Variants in EME2 observed in about 807,000 individuals in gnomAD.
EME2 encodes structure-specific endonuclease subunit EME2.
In EME2, 58 loss-of-function variants were observed where a neutral mutation model predicts 41.9. The observed-to-expected ratio is 1.38, with a 90% confidence interval of 1.12 to 1.72. The LOEUF (loss-of-function observed/expected upper bound fraction) is 1.72. Among genes scored for constraint, EME2 ranks in the 40% most tolerant of loss-of-function variants. EME2 has a pLI of 0.00. For synonymous variants in EME2, 334 were observed against 239.3 expected (o/e 1.40, Z -3.65); for missense variants, 695 against 541.9 (o/e 1.28, Z -2.81).
At position 1,778,690 on chromosome 16, in the gene EME2, C is replaced by A. The variant is rs1005121638; in HGVS notation, c.*2452C>A. On this transcript the variant is annotated 3_prime_UTR_variant, in exon 8 of 8. Transcript: ENST00000568449. Reference sequence around the variant, plus strand: ...ACCCTTGCCCTCTGTCCCTGTCCCACCCTGTCCCTGACCCACCCAGGAAAG... The same window carrying A: ...ACCCTTGCCCTCTGTCCCTGTCCCAACCTGTCCCTGACCCACCCAGGAAAG... 2 of 1,467,942 alleles carry A rather than the reference C, an allele frequency of 1.4e-6. No individual in the cohort carries two copies. Among genetic ancestry groups the A allele is most frequent in the Non-Finnish European group, 9.0e-7 (1 of 1,110,160 alleles). The allele number at this position is 1,467,942 out of a possible 1,614,324, so 90.9% of individuals were successfully genotyped here. A position where few individuals can be genotyped will look rare whatever the true frequency, so the allele number is the denominator to read the frequency against.
At position 1,773,319 on chromosome 16, in the gene EME2, G is replaced by T. The variant is rs1175190563; in HGVS notation, c.92G>T (p.Trp31Leu). Reference protein sequence around the residue: ...GGSGQRRPPTWEISDSDAEDS... With the variant: ...GGSGQRRPPTLEISDSDAEDS... ...AGCGGTCAGCGGCGACCTCCAACCT[G>T]GGAGATCTCAGACTCCGACGCTGAG... The change falls in exon 1 of 8, where the codon TGG (tryptophan) becomes TTG (leucine). Residue 31 changes from tryptophan (W) to leucine (L), a missense_variant. Physicochemically the swap from Trp to Leu is moderately conservative, Grantham distance 61. Transcript: ENST00000568449. 2 of 1,507,848 alleles carry T rather than the reference G, an allele frequency of 1.3e-6. No homozygotes were observed. The highest frequency in any genetic ancestry group is 8.8e-7 in the Non-Finnish European group (1 of 1,137,392). 93.4% of individuals were successfully genotyped at this position (1,507,848 alleles called of 1,614,324 possible). A position where few individuals can be genotyped will look rare whatever the true frequency, so the allele number is the denominator to read the frequency against.
In EME2 at chr16:1,776,010, C is replaced by CCTCCAGGTGCAGAAGCCCCGT. The variant is rs775063615; in HGVS notation, c.969+26_970-36dup. On this transcript the variant is annotated intron_variant, in intron 7 of 7. Transcript: ENST00000568449. Reference sequence around the variant, plus strand: ...AGGTGGGCCCCTGCCTCCTCCAAGCCCTCCAGGTGCAGAAGCCCCGTCCCC... The same window carrying CCTCCAGGTGCAGAAGCCCCGT: ...AGGTGGGCCCCTGCCTCCTCCAAGCCCTCCAGGTGCAGAAGCCCCGTCTCCAGGTGCAGAAGCCCCGTCCCC... 59 of 1,606,422 alleles carry CCTCCAGGTGCAGAAGCCCCGT rather than the reference C, an allele frequency of 3.7e-5. No homozygotes were observed. In the African/African-American group the frequency reaches 7.1e-4, roughly 19 times the overall value.
chr16:1,778,270 C>A lies in EME2; in HGVS notation c.*2032C>A. On this transcript the variant is annotated 3_prime_UTR_variant, in exon 8 of 8. Coordinates refer to ENST00000568449, the MANE Select transcript of EME2 (RefSeq NM_001257370.2). ...GAAGCTGACCTTACGGTTGTCACAG[C>A]TCAGCAGGGTGGCTGATGACTTATT... is the stretch of plus-strand genomic sequence containing the variant. 2 of 1,612,894 alleles carry A rather than the reference C, an allele frequency of 1.2e-6. No homozygotes were observed. The highest frequency in any genetic ancestry group is 1.7e-6 in the Non-Finnish European group (2 of 1,180,020).
In EME2 at chr16:1,779,496, G is replaced by A. The variant is rs1386184863; in HGVS notation, c.*3258G>A. On this transcript the variant is annotated 3_prime_UTR_variant, in exon 8 of 8. Transcript: ENST00000568449. Reference sequence around the variant, plus strand: ...CGCCACCAGCTTCCAGGTGAACGTGGACCTATCGAAAGCCAGCTTCAGGGC... The same window carrying A: ...CGCCACCAGCTTCCAGGTGAACGTGAACCTATCGAAAGCCAGCTTCAGGGC... 1 of 152,428 alleles carries A rather than the reference G, an allele frequency of 6.6e-6. No individual in the cohort carries two copies. The highest frequency in any genetic ancestry group is 2.4e-5 in the African/African-American group (1 of 41,456). The allele number at this position is 152,428 out of a possible 1,614,324, so 9.4% of individuals were successfully genotyped here.
In EME2 at chr16:1,773,738, T is replaced by C. The variant is rs2042667478; in HGVS notation, c.281T>C (p.Met94Thr). The part of the protein sequence containing the change: ...ILEDAGADVL[M>T]EALEALGCEC... ...GAAGACGCCGGTGCCGACGTCCTGA[T>C]GGAGGCCCTGGAGGCCCTGGGCTGC... The change falls in exon 2 of 8, where the codon ATG becomes ACG. Residue 94 changes from methionine (M) to threonine (T), a missense_variant. Met to Thr is a moderately conservative substitution (Grantham distance 81, BLOSUM62 -1). Coordinates refer to ENST00000568449, the MANE Select transcript of EME2 (RefSeq NM_001257370.2). 1.9e-6 allele frequency: 3 copies of C among 1,547,976 alleles called. No homozygotes were observed. The highest frequency in any genetic ancestry group is 2.6e-6 in the Non-Finnish European group (3 of 1,146,916).
At position 1,781,459 on chromosome 16, in the gene EME2, T is replaced by G. The variant is rs1242421555; in HGVS notation, c.*5221T>G. 6.2e-7 allele frequency: 1 copy of G among 1,612,676 alleles called. No homozygotes were observed. On this transcript the variant is annotated 3_prime_UTR_variant, in exon 8 of 8. Transcript: ENST00000568449. ...GCACTCAGGACGAAGTGCCAGGCCC[T>G]GCTGTTCCGGGGGCGTCTGGCCATG...
Position 1,777,743 on chromosome 16 carries a change from T to C in EME2, c.*1505T>C. 6.2e-7 allele frequency: 1 copy of C among 1,611,710 alleles called. No individual in the cohort carries two copies. Among genetic ancestry groups the C allele is most frequent in the Non-Finnish European group, 8.5e-7 (1 of 1,179,564 alleles). ...GAGGAGCTCAAGTCCTGTGACGGCCTCACCTATACACTTCCTGTTCTTGAA... is the reference window on the plus strand; with the variant it reads ...GAGGAGCTCAAGTCCTGTGACGGCCCCACCTATACACTTCCTGTTCTTGAA... On this transcript the variant is annotated 3_prime_UTR_variant, in exon 8 of 8. Coordinates refer to ENST00000568449, the MANE Select transcript of EME2 (RefSeq NM_001257370.2).
rs776464907 is a variant in EME2, at chr16:1,776,047, C to T, written c.970-21C>T. 1.0e-5 allele frequency: 16 copies of T among 1,606,048 alleles called. No homozygotes were observed. The South Asian group carries it at 1.4e-4, about 14-fold the overall frequency. ...GAAGCCCCGTCCCCAGGCGCCCTCT[C>T]ATGCCTTTGCCTGCTCCTAGGCGCT... On this transcript the variant is annotated intron_variant, in intron 7 of 7. Coordinates refer to ENST00000568449, the MANE Select transcript of EME2 (RefSeq NM_001257370.2).
rs1255245686 is a variant in EME2 at position 1,777,295 on chromosome 16, T to C, written c.*1057T>C. The C allele has an allele frequency of 1.1e-5, 18 of 1,610,036 alleles. No homozygotes were observed. Among genetic ancestry groups the C allele is most frequent in the Non-Finnish European group, 1.4e-5 (16 of 1,179,772 alleles). The stretch of plus-strand genomic sequence containing the variant: ...GACCCTCCAGCGTGTCTCCCGAGTC[T>C]GGCCGCAGCTGGCGCAGGCGGTGGC... On this transcript the variant is annotated 3_prime_UTR_variant, in exon 8 of 8. Transcript: ENST00000568449.
chr16:1,772,946 C>T lies in EME2; in HGVS notation c.-282C>T. On this transcript the variant is annotated 5_prime_UTR_variant, in exon 1 of 8. Transcript: ENST00000568449. ...GCTGCAAGAGGCGGCTCTCGCGGCG[C>T]ACGTCGGCCCAGGCCCGGACCGGCA... 4.2e-6 allele frequency: 6 copies of T among 1,445,556 alleles called. No homozygotes were observed. Among genetic ancestry groups the T allele is most frequent in the South Asian group, 1.4e-5 (1 of 69,760 alleles). 89.5% of individuals were successfully genotyped at this position (1,445,556 alleles called of 1,614,324 possible).
chr16:1,773,321 G>C lies in EME2; in HGVS notation c.94G>C (p.Glu32Gln), dbSNP rs1176749917. 5 of 1,508,624 alleles carry C rather than the reference G, an allele frequency of 3.3e-6. No homozygotes were observed. The African/African-American group carries it at 7.2e-5, about 22-fold the overall frequency. The allele number at this position is 1,508,624 out of a possible 1,614,324, so 93.5% of individuals were successfully genotyped here. A position where few individuals can be genotyped will look rare whatever the true frequency, so the allele number is the denominator to read the frequency against. ...CGGTCAGCGGCGACCTCCAACCTGG[G>C]AGATCTCAGACTCCGACGCTGAGGA... ...GSGQRRPPTW[E>Q]ISDSDAEDSA... Residue 32 changes from glutamate to glutamine, a missense_variant, in exon 1 of 8, where the codon GAG becomes CAG. Glu to Gln is a conservative substitution (Grantham distance 29). Transcript: ENST00000568449.
rs2042667448 is a variant in EME2 at position 1,773,737 on chromosome 16, A to T, written c.280A>T (p.Met94Leu). The T allele has an allele frequency of 6.5e-7, 1 of 1,549,150 alleles. No individual in the cohort carries two copies. The highest frequency in any genetic ancestry group is 1.4e-5 in the African/African-American group (1 of 73,142). The change falls in exon 2 of 8, where the codon ATG (methionine) becomes TTG (leucine). Residue 94 changes from methionine to leucine, a missense_variant. By Grantham distance (15) the Met-to-Leu change is conservative. Coordinates refer to ENST00000568449, the MANE Select transcript of EME2 (RefSeq NM_001257370.2). Reference protein sequence around the residue: ...ILEDAGADVLMEALEALGCEC... With the variant: ...ILEDAGADVLLEALEALGCEC... ...GGAAGACGCCGGTGCCGACGTCCTG[A>T]TGGAGGCCCTGGAGGCCCTGGGCTG...
At position 1,772,844 on chromosome 16, in the gene EME2, C is replaced by T; in HGVS notation, c.-384C>T. The T allele has an allele frequency of 6.9e-7, 1 of 1,443,716 alleles. No individual in the cohort carries two copies. Among genetic ancestry groups the T allele is most frequent in the Non-Finnish European group, 9.1e-7 (1 of 1,103,412 alleles). The allele number at this position is 1,443,716 out of a possible 1,614,324, so 89.4% of individuals were successfully genotyped here. ...GCACCCGCGTGAGGCGCCAGTAGCACGGCTCGTCGTGCTGCCACAGCCAGG... is the reference window on the plus strand; with the variant it reads ...GCACCCGCGTGAGGCGCCAGTAGCATGGCTCGTCGTGCTGCCACAGCCAGG... On this transcript the variant is annotated 5_prime_UTR_variant, in exon 1 of 8. In the 5' UTR this introduces an upstream ATG that the reference lacks. Transcript: ENST00000568449.
rs1158698570 is a variant in EME2, at chr16:1,779,582, C to T, written c.*3344C>T. On this transcript the variant is annotated 3_prime_UTR_variant, in exon 8 of 8. Coordinates refer to ENST00000568449, the MANE Select transcript of EME2 (RefSeq NM_001257370.2). The stretch of plus-strand genomic sequence containing the variant: ...CCACAGACAAGGCAGGCCCAGACAA[C>T]TCTACCCCACTGCCTAGAAGTGCGG... The T allele has an allele frequency of 6.6e-6, 1 of 152,406 alleles. No individual in the cohort carries two copies. The highest frequency in any genetic ancestry group is 1.5e-5 in the Non-Finnish European group (1 of 68,202). 9.4% of individuals were successfully genotyped at this position (152,406 alleles called of 1,614,324 possible).
In EME2 at chr16:1,777,799, G is replaced by A. The variant is rs781523478; in HGVS notation, c.*1561G>A. On this transcript the variant is annotated 3_prime_UTR_variant, in exon 8 of 8. Coordinates refer to ENST00000568449, the MANE Select transcript of EME2 (RefSeq NM_001257370.2). ...TGAGTGTGCCGTGCCAGGTGTCCAG[G>A]TGCACGCCAATGATGGAGCCCTGGC... is the stretch of plus-strand genomic sequence containing the variant. 1.1e-5 allele frequency: 18 copies of A among 1,612,896 alleles called. No individual in the cohort carries two copies. The highest frequency in any genetic ancestry group is 2.7e-5 in the African/African-American group (2 of 75,020).
At chr16:1,773,527 A>T (rs1596845932) in intron 1 of EME2, 53 bp downstream of exon 1, 1 of 1,545,828 alleles carries the variant, frequency 6.5e-7, no homozygotes, top group Non-Finnish European at 8.7e-7. Flanking sequence ...TTTCTCCGCC[A>T]GGCGGCGCCC....
At chr16:1,773,515 C>T (rs2042662256) in intron 1 of EME2, 41 bp downstream of exon 1, 6 of 1,559,096 alleles carry the variant, frequency 3.8e-6, no homozygotes, top group Non-Finnish European at 5.2e-6. Context: ...GTAGGAAAGG[C>T]CTTTCTCCGC....
In EME2 at chr16:1,775,571, C is replaced by T. The variant is rs893481612; in HGVS notation, c.666C>T (p.Ala222=). 54 of 1,612,728 alleles carry T rather than the reference C, an allele frequency of 3.3e-5. No homozygotes were observed. The highest frequency in any genetic ancestry group is 4.3e-5 in the Non-Finnish European group (51 of 1,179,944). ...CCATCAGCTTGCCTCCTCCCCAGGC[C>T]CTGGTACTCCTGCAGCTCTGGGCAA... is the stretch of plus-strand genomic sequence containing the variant. ...VAVSWPEVEE[A]LVLLQLWANL... The change falls in exon 6 of 8, where the codon GCC becomes GCT. Residue 222 remains alanine, a splice_region_variant and synonymous_variant. Coordinates refer to ENST00000568449, the MANE Select transcript of EME2 (RefSeq NM_001257370.2).
At position 1,776,668 on chromosome 16, in the gene EME2, C is replaced by T. The variant is rs1010108416; in HGVS notation, c.*430C>T. ...GGCCTGGGAGAAGGCCCAGGCTGCTCGCAAGCCCGGCCTCTGCACGGATAC... is the reference window on the plus strand; with the variant it reads ...GGCCTGGGAGAAGGCCCAGGCTGCTTGCAAGCCCGGCCTCTGCACGGATAC... On this transcript the variant is annotated 3_prime_UTR_variant, in exon 8 of 8. Transcript: ENST00000568449. 2.9e-5 allele frequency: 8 copies of T among 280,178 alleles called. No individual in the cohort carries two copies. Among genetic ancestry groups the T allele is most frequent in the African/African-American group, 1.5e-4 (7 of 45,262 alleles). 17.4% of individuals were successfully genotyped at this position (280,178 alleles called of 1,614,324 possible).
Sources: gnomAD v4.1 joint callset for allele counts on GRCh38, gnomAD v4.1.1 for gene constraint, MANE v1.5 for transcripts, NCBI Gene and HGNC (gene_info 2026-07-23, HGNC 2026-07-21) for gene names.